The following THOC7 variants were observed in gnomAD, a reference collection of about 807,000 sequenced individuals.
The protein encoded by THOC7 is NIF3L1-binding protein 1.
THOC7 carries 22 observed loss-of-function variants against 33.1 expected under a neutral mutation model. The observed-to-expected ratio is 0.66, with a 90% CI of 0.47 to 0.95. The LOEUF (loss-of-function observed/expected upper bound fraction) is 0.95. Among genes scored for constraint, THOC7 ranks in the 40% least tolerant of loss-of-function variants. The pLI, the probability that THOC7 is intolerant of heterozygous loss-of-function variation, is 0.00. For missense variants in THOC7, 184 were observed against 245.3 expected, an observed-to-expected ratio of 0.75 and a Z score of 1.67; for synonymous variants, 77 against 76.8, an observed-to-expected ratio of 1.00 and a Z score of -0.01.
chr3:63,855,098 G>C (rs764714459), intron 1 of THOC7, among the ~76,000 whole-genome samples: 7 of 151,890 alleles, frequency 4.6e-5, no homozygotes, highest in Non-Finnish European at 1.0e-4. Context: ...AGAGTATACT[G>C]TCTATGAGGC....
At chr3:63,863,658 C>A in intron 1 of THOC7, 114 bp downstream of exon 1, 1 of 1,220,778 alleles carries the variant, frequency 8.2e-7, no homozygotes, top group Non-Finnish European at 1.0e-6. Context: ...AGCGCTCTGG[C>A]GAAGAGGCCG....
intron 1 of THOC7, among the ~76,000 whole-genome samples, chr3:63,850,082 A>C (rs1042524818): frequency 6.6e-6 from 1 of 152,224 alleles, no homozygotes; most frequent in Admixed American, 6.5e-5. Flanking sequence ...CCATCATAAG[A>C]AGACTCTTAC....
At chr3:63,845,206 G>T (rs1701862986) in intron 1 of THOC7, 2 of 475,350 alleles carry the variant, frequency 4.2e-6, no homozygotes, top group South Asian at 9.6e-5. Flanking sequence ...GATATCTTTG[G>T]CTTTGGGGGT....
chr3:63,835,476 G>C, intron 5 of THOC7, 86 bp from the exon 6 acceptor site: 2 of 1,228,398 alleles, frequency 1.6e-6, no homozygotes, highest in South Asian at 2.8e-5. Context: ...TACTAGATAG[G>C]ATTTTTAAAA....
intron 1 of THOC7, chr3:63,846,219 T>A (rs1351738432): frequency 4.4e-6 from 2 of 450,786 alleles, no homozygotes; most frequent in Non-Finnish European, 8.9e-6. Flanking sequence ...CTTTCTTCCC[T>A]GAAAAAAGCA....
At chr3:63,852,129 T>C (rs1702031397) in intron 1 of THOC7, among the ~76,000 whole-genome samples, 1 of 152,174 alleles carries the variant, frequency 6.6e-6, no homozygotes. Context: ...TAAAACTTGG[T>C]AGCATCTACA....
At chr3:63,837,349 T>C (rs1701656752) in intron 4 of THOC7, among the ~76,000 whole-genome samples, 2 of 152,052 alleles carry the variant, frequency 1.3e-5, no homozygotes, top group South Asian at 4.1e-4. Context: ...TTTTTTATTT[T>C]TACTTTTCTT....
At chr3:63,863,563 G>T in intron 1 of THOC7, 5 of 1,196,602 alleles carry the variant, frequency 4.2e-6, no homozygotes, top group Non-Finnish European at 5.2e-6. Context: ...TCTCCGAGGG[G>T]CGCTCGGGCT....
chr3:63,858,810 T>C (rs1248584816), intron 1 of THOC7, among the ~76,000 whole-genome samples: 5 of 152,210 alleles, frequency 3.3e-5, no homozygotes, highest in Non-Finnish European at 5.9e-5. Flanking sequence ...GTCACTAACT[T>C]CCAAAGACCT....
At chr3:63,848,069 G>T (rs949358553) in intron 1 of THOC7, among the ~76,000 whole-genome samples, 10 of 152,140 alleles carry the variant, frequency 6.6e-5, no homozygotes, top group African/African-American at 2.4e-4. Context: ...TCACATGACA[G>T]CAGACATTGA....
At chr3:63,839,812 G>A in intron 1 of THOC7, 39 bp from the exon 2 acceptor site, 1 of 1,560,980 alleles carries the variant, frequency 6.4e-7, no homozygotes, top group Non-Finnish European at 8.8e-7. Context: ...CTGGCTCTTG[G>A]TAACTTTCAA....
intron 1 of THOC7, among the ~76,000 whole-genome samples, chr3:63,850,277 T>G (rs967123800): frequency 3.2e-4 from 49 of 151,722 alleles, no homozygotes; most frequent in African/African-American, 1.1e-3. Context: ...CTCGGCTCAC[T>G]GCAACCTCTG....
chr3:63,854,216 G>T (rs1442087551), intron 1 of THOC7, among the ~76,000 whole-genome samples: 2 of 152,098 alleles, frequency 1.3e-5, no homozygotes, highest in African/African-American at 4.8e-5. Flanking sequence ...AAAACAAAAA[G>T]GTAAGCTCTC....
At chr3:63,838,527 A>G (rs1346862313) in intron 2 of THOC7, 28 bp from the exon 3 acceptor site, 1 of 1,576,676 alleles carries the variant, frequency 6.3e-7, no homozygotes, top group African/African-American at 1.4e-5. Flanking sequence ...AAACCAAAAT[A>G]AAGATATTTG....
intron 2 of THOC7, among the ~76,000 whole-genome samples, chr3:63,839,289 AAT>A (rs781200994): frequency 3.3e-5 from 5 of 152,196 alleles, no homozygotes; most frequent in Non-Finnish European, 7.3e-5. Context: ...TAATGGCAGA[AAT>A]CACGATTAAT....
intron 1 of THOC7, among the ~76,000 whole-genome samples, chr3:63,857,756 C>T (rs781412844): frequency 1.3e-5 from 2 of 152,104 alleles, no homozygotes; most frequent in Admixed American, 6.5e-5. Context: ...AGGTAAATTA[C>T]GTGCACCAAA....
At chr3:63,834,324 G>C in intron 7 of THOC7, 125 bp from the exon 8 acceptor site, 1 of 848,742 alleles carries the variant, frequency 1.2e-6, no homozygotes, top group Non-Finnish European at 1.8e-6. Context: ...GCTACTAGTT[G>C]AATCAAACTT....
chr3:63,855,112 G>A (rs1211816381), intron 1 of THOC7, among the ~76,000 whole-genome samples: 1 of 152,036 alleles, frequency 6.6e-6, no homozygotes, highest in Non-Finnish European at 1.5e-5. Flanking sequence ...ATGAGGCAGG[G>A]GCATGAGATA....
At chr3:63,863,411 G>C in intron 1 of THOC7, 1 of 1,069,748 alleles carries the variant, frequency 9.3e-7, no homozygotes, top group South Asian at 4.5e-5. Context: ...GACAAACCCG[G>C]ACTCCCTCTG....
Sources: gnomAD v4.1 joint callset for allele counts (sites outside exome capture counted in the v4.1 genomes callset) on GRCh38, gnomAD v4.1.1 for gene constraint, MANE v1.5 for transcripts, NCBI Gene and HGNC (gene_info 2026-07-23, HGNC 2026-07-21) for gene names.